BMPR1B: variants seen among roughly 807,000 people sequenced by gnomAD.
BMPR1B encodes bone morphogenetic protein receptor type-1B.
BMPR1B carries 12 observed loss-of-function variants against 59.1 expected under a neutral mutation model. That is an observed-to-expected ratio of 0.20 (90% CI 0.13 to 0.33). BMPR1B has a LOEUF of 0.33. BMPR1B is among the 10% of genes least tolerant of loss of function. The pLI is 1.00. For missense variants in BMPR1B, 550 were observed against 610.9 expected (o/e 0.90, Z 1.05); for synonymous variants, 237 against 207.3 (o/e 1.14, Z -1.23).
chr4:94,929,206 G>A (rs766962166), intron 2 of BMPR1B, among the ~76,000 whole-genome samples: 15 of 152,052 alleles, frequency 9.9e-5, no homozygotes, highest in South Asian at 2.1e-4. Flanking sequence ...CAAAGCCGTC[G>A]TTAAACATTT....
At chr4:95,119,808 T>G (rs1242132780) in intron 6 of BMPR1B, among the ~76,000 whole-genome samples, 1 of 152,230 alleles carries the variant, frequency 6.6e-6, no homozygotes, top group Non-Finnish European at 1.5e-5. Flanking sequence ...ATCATAACAC[T>G]GACCATCATG....
At chr4:95,087,849 A>G (rs1341280565) in intron 3 of BMPR1B, among the ~76,000 whole-genome samples, 1 of 152,208 alleles carries the variant, frequency 6.6e-6, no homozygotes, top group African/African-American at 2.4e-5. Context: ...AGTGACAGAT[A>G]AAGCTTTCCT....
chr4:94,996,903 G>A (rs2149104037), intron 3 of BMPR1B, among the ~76,000 whole-genome samples: 1 of 152,310 alleles, frequency 6.6e-6, no homozygotes, highest in South Asian at 2.1e-4. Context: ...TCACGGTGCT[G>A]TAGCATGTTC....
chr4:95,136,045 C>T (rs1264912288), intron 10 of BMPR1B, among the ~76,000 whole-genome samples: 2 of 152,090 alleles, frequency 1.3e-5, no homozygotes, highest in African/African-American at 4.8e-5. Context: ...CCATCAATAA[C>T]TAGTTTTTTG....
At chr4:95,120,937 T>C (rs1732476849) in intron 6 of BMPR1B, among the ~76,000 whole-genome samples, 1 of 152,114 alleles carries the variant, frequency 6.6e-6, no homozygotes, top group Admixed American at 6.6e-5. Context: ...GCCTCCTCAG[T>C]AGCTGGGATT....
Position 94,810,039 on chromosome 4 carries a change from T to C in BMPR1B, c.-183+51971T>C, listed in dbSNP as rs1024831451. 3.3e-5 allele frequency among the ~76,000 whole-genome samples: 5 copies of C among 152,316 alleles called. No individual in the cohort carries two copies. In the South Asian group the frequency reaches 1.0e-3, roughly 32 times the overall value. On this transcript the variant is annotated intron_variant, in intron 1 of 12. Coordinates refer to ENST00000515059, the MANE Select transcript of BMPR1B (RefSeq NM_001203.3). The stretch of plus-strand genomic sequence containing the variant: ...TTTTGACCCTAAATGGGTTGGCAAT[T>C]GACAAAGATCCAAATGGCACAGTCC...
chr4:94,845,519 T>C (rs1725287496), intron 1 of BMPR1B, among the ~76,000 whole-genome samples: 1 of 152,046 alleles, frequency 6.6e-6, no homozygotes. Context: ...ATTTTTTGTA[T>C]TTTTAGTAGA....
At chr4:95,140,716 A>G (rs1734171832) in intron 10 of BMPR1B, among the ~76,000 whole-genome samples, 2 of 152,120 alleles carry the variant, frequency 1.3e-5, no homozygotes, top group Non-Finnish European at 2.9e-5. Context: ...AGCTTAATTA[A>G]TATATTTCCC....
rs374022355 is a variant in BMPR1B at position 94,817,042 on chromosome 4, T to G, written c.-182-58789T>G. 1.8e-4 allele frequency among the ~76,000 whole-genome samples: 28 copies of G among 152,216 alleles called. No individual in the cohort carries two copies. The South Asian group carries it at 4.2e-3, about 23-fold the overall frequency. On this transcript the variant is annotated intron_variant, in intron 1 of 12. Coordinates refer to ENST00000515059, the MANE Select transcript of BMPR1B (RefSeq NM_001203.3). ...AAAGACTTGAGAGACTTGATTCACT[T>G]TGTTCTGATATTCTGCCACGTGCGG...
At chr4:94,866,649 A>G (rs1726257369) in intron 1 of BMPR1B, among the ~76,000 whole-genome samples, 1 of 151,756 alleles carries the variant, frequency 6.6e-6, no homozygotes, top group African/African-American at 2.4e-5. Context: ...CAGTGGCATG[A>G]TCTCGGCTTA....
In BMPR1B at chr4:95,086,539, C is replaced by G. The variant is rs1311708137; in HGVS notation, c.-17-17869C>G. 2.0e-5 allele frequency among the ~76,000 whole-genome samples: 3 copies of G among 152,074 alleles called. No homozygotes were observed. In the East Asian group the frequency reaches 5.8e-4, roughly 29 times the overall value. ...TATTGAATATTTTATTGTTGTTCAA[C>G]CTGTTGTATTGTCAGTGAAACAGAA... On this transcript the variant is annotated intron_variant, in intron 3 of 12. Transcript: ENST00000515059.
At chr4:94,973,305 G>A (rs369445060) in intron 2 of BMPR1B, among the ~76,000 whole-genome samples, 74 of 152,254 alleles carry the variant, frequency 4.9e-4, no homozygotes, top group African/African-American at 1.7e-3. Flanking sequence ...CACACTCATG[G>A]CTCCTGAGCT....
intron 3 of BMPR1B, among the ~76,000 whole-genome samples, chr4:95,014,555 C>T (rs1341894844): frequency 2.6e-5 from 4 of 152,062 alleles, no homozygotes; most frequent in East Asian, 3.9e-4. Context: ...AGTGAAAGGC[C>T]ACTAACCTGG....
intron 4 of BMPR1B, among the ~76,000 whole-genome samples, chr4:95,104,776 A>G (rs1731084401): frequency 6.6e-6 from 1 of 152,082 alleles, no homozygotes; most frequent in African/African-American, 2.4e-5. Context: ...ATCCCTCCAG[A>G]CAGCTCACAT....
At chr4:95,126,566 T>C (rs539962514) in intron 8 of BMPR1B, among the ~76,000 whole-genome samples, 2 of 152,234 alleles carry the variant, frequency 1.3e-5, no homozygotes, top group Non-Finnish European at 2.9e-5. Flanking sequence ...CAGGCCCAGA[T>C]AGGTCAGCTA....
intron 2 of BMPR1B, among the ~76,000 whole-genome samples, chr4:94,882,084 A>G (rs1578756966): frequency 6.6e-6 from 1 of 152,174 alleles, no homozygotes; most frequent in South Asian, 2.1e-4. Context: ...CCAGTTTGGA[A>G]ATACTGGCAT....
chr4:95,043,874 CT>C (rs1206047908), intron 3 of BMPR1B, among the ~76,000 whole-genome samples: 8 of 152,090 alleles, frequency 5.3e-5, no homozygotes, highest in African/African-American at 1.9e-4. Context: ...TATTGGAGCT[CT>C]TGCTAGTAAT....
chr4:95,069,697 C>T lies in BMPR1B; in HGVS notation c.-17-34711C>T, dbSNP rs114668389. Among the ~76,000 whole-genome samples, 6 of 152,152 alleles carry T rather than the reference C, an allele frequency of 3.9e-5. No individual in the cohort carries two copies. In the South Asian group the frequency reaches 8.3e-4, roughly 21 times the overall value. Reference sequence around the variant, plus strand: ...ACTGTGAGCTGTGAGGGCATGGAATCGTGTCTGTTTCTTTCTACTGCTATG... The same window carrying T: ...ACTGTGAGCTGTGAGGGCATGGAATTGTGTCTGTTTCTTTCTACTGCTATG... On this transcript the variant is annotated intron_variant, in intron 3 of 12. Coordinates refer to ENST00000515059, the MANE Select transcript of BMPR1B (RefSeq NM_001203.3).
intron 1 of BMPR1B, among the ~76,000 whole-genome samples, chr4:94,830,812 C>T (rs540677420): frequency 4.3e-4 from 65 of 152,200 alleles, no homozygotes; most frequent in African/African-American, 1.3e-3. Flanking sequence ...CGCCATAGCA[C>T]GACACGTTAC....
Sources: gnomAD v4.1 joint callset for allele counts (sites outside exome capture counted in the v4.1 genomes callset) on GRCh38, gnomAD v4.1.1 for gene constraint, MANE v1.5 for transcripts, NCBI Gene and HGNC (gene_info 2026-07-23, HGNC 2026-07-21) for gene names.